Variants in KAZN observed in about 807,000 individuals in gnomAD.
KAZN encodes kazrin, periplakin interacting protein, also known as kazrin.
In KAZN, 40 loss-of-function variants were observed where a neutral mutation model predicts 87.4. The ratio of observed to expected loss-of-function variants is 0.46; its 90% confidence interval spans 0.36 to 0.60. KAZN has a LOEUF of 0.60. Ranked by LOEUF, KAZN falls within the 20% of genes least tolerant of loss-of-function variation. KAZN has a pLI of 0.00. For missense variants in KAZN, 898 were observed against 1,073.9 expected (o/e 0.84, Z 2.29); for synonymous variants, 466 against 458.3 (o/e 1.02, Z -0.22).
At chr1:15,010,093 CTT>C (rs997251512) in intron 2 of KAZN, among the ~76,000 whole-genome samples, 1 of 152,126 alleles carries the variant, frequency 6.6e-6, no homozygotes, top group African/African-American at 2.4e-5. Context: ...CTTTTTAAGT[CTT>C]TTTAAATCTA....
At chr1:14,740,292 TC>T (rs1204652203) in intron 1 of KAZN, among the ~76,000 whole-genome samples, 1 of 152,196 alleles carries the variant, frequency 6.6e-6, no homozygotes, top group Non-Finnish European at 1.5e-5. Context: ...AGGCTGTGTT[TC>T]TGGGCAGGAC....
At position 14,773,773 on chromosome 1, in the gene KAZN, G is replaced by A. The variant is rs1645091317; in HGVS notation, c.226+174550G>A. On this transcript the variant is annotated intron_variant, in intron 1 of 14. Transcript: ENST00000376030. This position sits in a 1 kb window ranked among gnomAD's most constrained non-coding sequence, Gnocchi z 5.9. Reference sequence around the variant, plus strand: ...GGCTTCCGGGGCTGCCATCTCTAATGAACTCAGCCTTCCTGGGAGCTGCGG... The same window carrying A: ...GGCTTCCGGGGCTGCCATCTCTAATAAACTCAGCCTTCCTGGGAGCTGCGG... 6.6e-6 allele frequency among the ~76,000 whole-genome samples: 1 copy of A among 152,120 alleles called. No homozygotes were observed. The highest frequency in any genetic ancestry group is 2.4e-5 in the African/African-American group (1 of 41,416).
intron 1 of KAZN, among the ~76,000 whole-genome samples, chr1:13,922,672 C>T (rs922724224): frequency 6.6e-6 from 1 of 152,036 alleles, no homozygotes; most frequent in African/African-American, 2.4e-5. Flanking sequence ...TTAAAGGCAC[C>T]CTGAGAAAGC....
At chr1:13,970,123 C>T (rs2101047102) in intron 1 of KAZN, among the ~76,000 whole-genome samples, 1 of 152,264 alleles carries the variant, frequency 6.6e-6, no homozygotes, top group South Asian at 2.1e-4. Flanking sequence ...AATATCTAAT[C>T]TAGAAAAAAG....
intron 1 of KAZN, among the ~76,000 whole-genome samples, chr1:14,904,805 A>C (rs897397724): frequency 1.4e-4 from 21 of 152,202 alleles, no homozygotes; most frequent in Admixed American, 5.9e-4. Flanking sequence ...TGTGTCACCC[A>C]GGCTGGGATG....
chr1:14,450,565 G>C (rs1322550675), intron 2 of KAZN, among the ~76,000 whole-genome samples: 1 of 152,100 alleles, frequency 6.6e-6, no homozygotes, highest in African/African-American at 2.4e-5. Flanking sequence ...ACTCCAGCCT[G>C]GGACACAGAA....
intron 1 of KAZN, among the ~76,000 whole-genome samples, chr1:14,001,051 G>T (rs1639768230): frequency 6.6e-6 from 1 of 151,992 alleles, no homozygotes; most frequent in African/African-American, 2.4e-5. Flanking sequence ...CAAAGTGCTG[G>T]GATTACAGGC....
At chr1:14,756,566 T>C (rs764716629) in intron 1 of KAZN, among the ~76,000 whole-genome samples, 10 of 152,234 alleles carry the variant, frequency 6.6e-5, no homozygotes, top group Non-Finnish European at 1.3e-4. Context: ...CATTGAAATA[T>C]CCTGCAGTAA....
intron 1 of KAZN, among the ~76,000 whole-genome samples, chr1:13,968,876 T>C (rs1217927761): frequency 6.6e-6 from 1 of 152,210 alleles, no homozygotes; most frequent in East Asian, 1.9e-4. Context: ...CACTTGCCGA[T>C]GACTCCCAAA....
At chr1:15,050,720 T>TG (rs994887170) in intron 4 of KAZN, among the ~76,000 whole-genome samples, 12 of 152,064 alleles carry the variant, frequency 7.9e-5, no homozygotes, top group Non-Finnish European at 1.5e-4. Context: ...CCCAGAGTGG[T>TG]GGGGGGCCTG....
chr1:14,025,365 G>A (rs1241071488), intron 1 of KAZN, among the ~76,000 whole-genome samples: 1 of 152,162 alleles, frequency 6.6e-6, no homozygotes, highest in Non-Finnish European at 1.5e-5. Context: ...TCTTCGTTAT[G>A]AGGCTAGATT....
chr1:14,220,435 C>A (rs1647070095), intron 2 of KAZN, among the ~76,000 whole-genome samples: 1 of 152,114 alleles, frequency 6.6e-6, no homozygotes. Flanking sequence ...TTGTCTTAAA[C>A]TTGGACAGCT....
At chr1:14,245,468 C>T (rs536964404) in intron 2 of KAZN, among the ~76,000 whole-genome samples, 26 of 152,102 alleles carry the variant, frequency 1.7e-4, no homozygotes, top group African/African-American at 5.8e-4. Context: ...CATGGATGTA[C>T]CATAATTTAG....
intron 11 of KAZN, 143 bp downstream of exon 11, chr1:15,101,917 G>A: frequency 1.5e-6 from 1 of 655,192 alleles, no homozygotes; most frequent in South Asian, 1.8e-5. Context: ...TCCATTTATT[G>A]ATCATCCGTC....
intron 2 of KAZN, among the ~76,000 whole-genome samples, chr1:14,271,845 G>T (rs577334389): frequency 6.6e-6 from 1 of 152,306 alleles, no homozygotes; most frequent in African/African-American, 2.4e-5. Flanking sequence ...TTACAGAAGA[G>T]ATTTCCTAGG....
chr1:13,980,615 A>G (rs1638613887), intron 1 of KAZN, among the ~76,000 whole-genome samples: 1 of 152,182 alleles, frequency 6.6e-6, no homozygotes, highest in Admixed American at 6.5e-5. Context: ...AGCCCCAAAT[A>G]TATAAAGCAA....
chr1:14,321,270 ACT>A (rs926342820), intron 2 of KAZN, among the ~76,000 whole-genome samples: 74 of 152,038 alleles, frequency 4.9e-4, no homozygotes, highest in African/African-American at 1.7e-3. Context: ...CTTTTTAAAA[ACT>A]CTATCTCAAA....
chr1:15,030,424 C>T (rs758449504), intron 2 of KAZN, among the ~76,000 whole-genome samples: 19 of 152,142 alleles, frequency 1.2e-4, no homozygotes, highest in African/African-American at 1.9e-4. Flanking sequence ...CACGCCACCA[C>T]GCCCGGCTAA....
chr1:14,030,541 C>T (rs958326469), intron 1 of KAZN, among the ~76,000 whole-genome samples: 2 of 151,372 alleles, frequency 1.3e-5, no homozygotes, highest in African/African-American at 2.4e-5. Context: ...GTAACTAACC[C>T]GCACAATGTG....
Sources: gnomAD v4.1 joint callset for allele counts (sites outside exome capture counted in the v4.1 genomes callset) on GRCh38, gnomAD v4.1.1 for gene constraint, Gnocchi (gnomAD v3.1) non-coding constraint, MANE v1.5 for transcripts, NCBI Gene and HGNC (gene_info 2026-07-23, HGNC 2026-07-21) for gene names.